The following ZNF177 variants were observed in gnomAD, a reference collection of about 807,000 sequenced individuals.
ZNF177 encodes the protein zinc finger protein 177.
Under a neutral mutation model 19.4 loss-of-function variants are expected in ZNF177, and 17 were observed. The ratio of observed to expected loss-of-function variants is 0.87; its 90% CI spans 0.60 to 1.31. The LOEUF (loss-of-function observed/expected upper bound fraction) is 1.31, where lower values mean the gene tolerates loss of function less well. Among genes scored for constraint, ZNF177 ranks in the 40% most tolerant of loss-of-function variants. The pLI is 0.00. For missense variants in ZNF177, 633 were observed against 561.8 expected (o/e 1.13, Z -1.28); for synonymous variants, 220 against 188.7 (o/e 1.17, Z -1.36).
chr19:9,366,007 C>T (rs1233991461), intron 2 of ZNF177, among the ~76,000 whole-genome samples: 1 of 152,070 alleles, frequency 6.6e-6, no homozygotes, highest in Non-Finnish European at 1.5e-5. Context: ...GTCACAGCAC[C>T]AAATCTACCT....
In ZNF177 at chr19:9,380,937, G is replaced by T. The variant is rs1423915479; in HGVS notation, c.606G>T (p.Lys202Asn). The T allele has an allele frequency of 2.6e-6, 4 of 1,535,896 alleles. No homozygotes were observed. In the Admixed American group the frequency reaches 5.9e-5, roughly 23 times the overall value. Residue 202 changes from lysine to asparagine, a missense_variant, in exon 6 of 6, where the codon AAG becomes AAT. Transcript: ENST00000589262. ...ACTTAAGAACTCCCACAGGACAGAA[G>T]TTTCAGGAGTATGAGCAATGTGATA...
chr19:9,380,756 G>A (rs1469631828), exon 6 of ZNF177: 1 of 1,536,068 alleles, frequency 6.5e-7, no homozygotes, highest in African/African-American at 1.4e-5. Context: ...ACAAGATATT[G>A]CAAGGGAGAG....
upstream of ZNF177, among the ~76,000 whole-genome samples, chr19:9,372,292 C>T (rs2068055804): frequency 6.6e-6 from 1 of 152,148 alleles, no homozygotes; most frequent in Non-Finnish European, 1.5e-5. Flanking sequence ...CTTGTGTATA[C>T]AGATCCTCAA....
intron 4 of ZNF177, 148 bp downstream of exon 6, chr19:9,379,767 T>G: frequency 1.0e-6 from 1 of 998,808 alleles, no homozygotes; most frequent in Non-Finnish European, 1.4e-6. Flanking sequence ...TACGTTCATT[T>G]GGTCTCCGAG....
At chr19:9,377,333 CTATT>C (rs898509604) in intron 1 of ZNF177, among the ~76,000 whole-genome samples, 2 of 151,956 alleles carry the variant, frequency 1.3e-5, no homozygotes, top group African/African-American at 4.8e-5. Flanking sequence ...TATTTTTATA[CTATT>C]TATTGTTATT....
rs371463915 is a variant in ZNF177 at position 9,381,140 on chromosome 19, C to T, written c.809C>T (p.Ser270Phe). The T allele has an allele frequency of 1.3e-5, 21 of 1,614,114 alleles. No homozygotes were observed. In the African/African-American group the frequency reaches 2.8e-4, roughly 22 times the overall value. The change falls in exon 6 of 6, where the codon TCC becomes TTC. Residue 270 changes from serine to phenylalanine, a missense_variant. Transcript: ENST00000589262. Reference sequence around the variant, plus strand: ...GAGAAAACTTTCACTGACCCTTTGTCCCTTCAGAACTGTGTCAGAACTCAC... The same window carrying T: ...GAGAAAACTTTCACTGACCCTTTGTTCCTTCAGAACTGTGTCAGAACTCAC...
upstream of ZNF177, among the ~76,000 whole-genome samples, chr19:9,373,537 A>G (rs2068073613): frequency 6.6e-6 from 1 of 152,104 alleles, no homozygotes; most frequent in South Asian, 2.1e-4. Flanking sequence ...TGCTTTCCAT[A>G]ATGGCTGTAC....
chr19:9,379,775 G>C (rs548060710), intron 4 of ZNF177, 156 bp downstream of exon 6: 2 of 965,864 alleles, frequency 2.1e-6, no homozygotes, highest in Non-Finnish European at 3.0e-6. Context: ...TTTGGTCTCC[G>C]AGAAAGAAGT....
chr19:9,381,108 T>G lies in ZNF177; in HGVS notation c.777T>G (p.Asn259Lys), dbSNP rs370664312. 4.8e-5 allele frequency: 78 copies of G among 1,613,496 alleles called. 1 individual carries two copies. Among genetic ancestry groups the G allele is most frequent in the South Asian group, 4.7e-4 (43 of 91,084 alleles). The change falls in exon 6 of 6, where the codon AAT becomes AAG. Residue 259 changes from asparagine (N) to lysine (K), a missense_variant. Physicochemically the swap from Asn to Lys is moderately conservative, Grantham distance 94. Coordinates refer to ENST00000589262, the Ensembl canonical transcript of ZNF177. Reference sequence around the variant, plus strand: ...GTGTGGAGGAGGGTTTGGAATGTAATGAACATGAGAAAACTTTCACTGACC... The same window carrying G: ...GTGTGGAGGAGGGTTTGGAATGTAAGGAACATGAGAAAACTTTCACTGACC...
In ZNF177 at chr19:9,367,059, G is replaced by A. The variant is rs371849100; in HGVS notation, c.-305+2111G>A. Reference sequence around the variant, plus strand: ...GCTGAGGCTGGGCGTGGTGGCTCACGCCTGTAATCCCAGCACTTTGGGAGG... The same window carrying A: ...GCTGAGGCTGGGCGTGGTGGCTCACACCTGTAATCCCAGCACTTTGGGAGG... On this transcript the variant is annotated intron_variant, in intron 2 of 8. Coordinates refer to the ZNF177 transcript ENST00000343499. 8.5e-5 allele frequency among the ~76,000 whole-genome samples: 13 copies of A among 152,290 alleles called. No individual in the cohort carries two copies. In the East Asian group the frequency reaches 1.9e-3, roughly 23 times the overall value.
chr19:9,381,826 T>TAGAACATATATTG, exon 6 of ZNF177: 1 of 1,540,992 alleles, frequency 6.5e-7, no homozygotes, highest in Non-Finnish European at 8.7e-7. Flanking sequence ...TTTCTCACTT[T>TAGAACATATATTG]AGAACATATA....
At chr19:9,381,756 T>C in exon 6 of ZNF177, 1 of 1,603,440 alleles carries the variant, frequency 6.2e-7, no homozygotes, top group South Asian at 1.1e-5. Context: ...GAATCCACAA[T>C]GGCCAGAAAC....
At chr19:9,381,336 T>C in exon 6 of ZNF177, 1 of 1,614,122 alleles carries the variant, frequency 6.2e-7, no homozygotes. Flanking sequence ...GAACTCACAC[T>C]GGAGAGAAAC....
At chr19:9,376,803 T>C (rs2068115875) in intron 1 of ZNF177, among the ~76,000 whole-genome samples, 1 of 152,208 alleles carries the variant, frequency 6.6e-6, no homozygotes, top group Non-Finnish European at 1.5e-5. Context: ...AGATAAGTTA[T>C]TTAGATACCA....
chr19:9,363,221 C>G (rs979970087), intron 1 of ZNF177, 137 bp downstream of exon 1: 3 of 152,406 alleles, frequency 2.0e-5, no homozygotes, highest in African/African-American at 7.2e-5. Context: ...TCTCAGAGGC[C>G]GCCGGCTTTG....
exon 6 of ZNF177, chr19:9,381,316 G>A (rs1364467925): frequency 4.3e-6 from 7 of 1,614,014 alleles, no homozygotes; most frequent in South Asian, 1.1e-5. Flanking sequence ...TCATCTGAAT[G>A]TGCACAAAAG....
rs761108275 is a variant in ZNF177 at position 9,379,589 on chromosome 19, G to A, written c.223G>A (p.Glu75Lys). 24 of 1,613,804 alleles carry A rather than the reference G, an allele frequency of 1.5e-5. No individual in the cohort carries two copies. The East Asian group carries it at 4.7e-4, about 31-fold the overall frequency. The change falls in exon 4 of 6, where the codon GAA becomes AAA. Residue 75 changes from glutamate to lysine, a missense_variant. Physicochemically the swap from Glu to Lys is moderately conservative, Grantham distance 56 (BLOSUM62 1). Transcript: ENST00000589262. ...GGATCAAGAACAGCTGAAGACAGAT[G>A]AAAGAGGAATTTTACAAGGTGACTG...
intron 2 of ZNF177, among the ~76,000 whole-genome samples, chr19:9,367,210 C>T (rs370750628): frequency 1.1e-4 from 16 of 152,086 alleles, no homozygotes; most frequent in African/African-American, 3.9e-4. Flanking sequence ...GTCCCAGCTA[C>T]TTGGGAGGCT....
At chr19:9,381,125 T>C (rs1211865126) in exon 6 of ZNF177, 8 of 1,614,022 alleles carry the variant, frequency 5.0e-6, no homozygotes, top group South Asian at 4.4e-5. Context: ...GAGAAAACTT[T>C]CACTGACCCT....
Sources: gnomAD v4.1 joint callset for allele counts (sites outside exome capture counted in the v4.1 genomes callset) on GRCh38, gnomAD v4.1.1 for gene constraint, MANE v1.5 for transcripts, NCBI Gene and HGNC (gene_info 2026-07-23, HGNC 2026-07-21) for gene names.